VOPP1: variants seen among roughly 807,000 people sequenced by gnomAD.
VOPP1 encodes the protein WW domain binding protein VOPP1.
VOPP1 carries 8 observed loss-of-function variants against 23.5 expected under a neutral mutation model. That is an observed-to-expected ratio of 0.34 (90% CI 0.20 to 0.61). The LOEUF is 0.61. VOPP1 is among the 20% of genes least tolerant of loss of function. The pLI is 0.78. For missense variants in VOPP1, 174 were observed against 238.1 expected (o/e 0.73, Z 1.77); for synonymous variants, 83 against 97.3 (o/e 0.85, Z 0.86).
At chr7:55,541,479 A>G (rs1797130587) in intron 1 of VOPP1, among the ~76,000 whole-genome samples, 1 of 152,218 alleles carries the variant, frequency 6.6e-6, no homozygotes, top group Admixed American at 6.5e-5. Context: ...ATTGGCGAAA[A>G]TGTGGAACAT....
At chr7:55,569,992 C>A (rs1409626984) in intron 1 of VOPP1, among the ~76,000 whole-genome samples, 1 of 152,132 alleles carries the variant, frequency 6.6e-6, no homozygotes, top group African/African-American at 2.4e-5. Context: ...TCAGGCAGAA[C>A]AAAGGAACAA....
intron 1 of VOPP1, among the ~76,000 whole-genome samples, chr7:55,570,478 A>G (rs1366338502): frequency 6.6e-6 from 1 of 152,218 alleles, no homozygotes; most frequent in East Asian, 1.9e-4. Flanking sequence ...ACTCCTATTA[A>G]GAGGATACAT....
intron 1 of VOPP1, among the ~76,000 whole-genome samples, chr7:55,563,831 G>A (rs1798065738): frequency 6.6e-6 from 1 of 152,140 alleles, no homozygotes; most frequent in Non-Finnish European, 1.5e-5. Flanking sequence ...TGCTTAACCT[G>A]TATGTTCCAC....
rs537013906 is a variant in VOPP1, at chr7:55,557,830, T to C, written c.54+14441A>G. 3.9e-5 allele frequency among the ~76,000 whole-genome samples: 6 copies of C among 152,350 alleles called. No individual in the cohort carries two copies. In the East Asian group the frequency reaches 7.7e-4, roughly 20 times the overall value. On this transcript the variant is annotated intron_variant, in intron 1 of 4. Transcript: ENST00000285279. ...AAGGTGGAGCAAATGAGAGGGTGTG[T>C]AGAGCCTCTGAACAACTCAGGCCCG...
At chr7:55,525,788 C>T (rs867031338) in intron 1 of VOPP1, among the ~76,000 whole-genome samples, 1,519 of 46,050 alleles carry the variant, frequency 0.033, 14 homozygotes, top group Admixed American at 0.057. Flanking sequence ...AAAAACCTCT[C>T]TAAAAAAAAA....
intron 4 of VOPP1, among the ~76,000 whole-genome samples, chr7:55,477,964 G>A (rs2129011169): frequency 6.6e-6 from 1 of 152,326 alleles, no homozygotes; most frequent in Non-Finnish European, 1.5e-5. Context: ...CACCCACCCA[G>A]ACAGCTGCTC....
chr7:55,469,226 A>G (rs1791712957), downstream of VOPP1, among the ~76,000 whole-genome samples: 1 of 152,118 alleles, frequency 6.6e-6, no homozygotes, highest in Non-Finnish European at 1.5e-5. Flanking sequence ...TGAAGCATGA[A>G]AACTATTGGG....
chr7:55,443,179 G>A (rs895708969), intron 4 of VOPP1, among the ~76,000 whole-genome samples: 2 of 152,110 alleles, frequency 1.3e-5, no homozygotes, highest in African/African-American at 2.4e-5. Context: ...AATGGACAAA[G>A]ACGGAAAATT....
At chr7:55,482,493 T>G (rs1045295392) in intron 4 of VOPP1, among the ~76,000 whole-genome samples, 6 of 150,064 alleles carry the variant, frequency 4.0e-5, no homozygotes, top group African/African-American at 1.2e-4. Context: ...TTTTTTTTTT[T>G]TTTTTTTTTT....
chr7:55,564,942 G>A (rs530899779), intron 1 of VOPP1, among the ~76,000 whole-genome samples: 54 of 152,182 alleles, frequency 3.5e-4, no homozygotes, highest in African/African-American at 1.2e-3. Context: ...GACTCCTAAC[G>A]ACCACCAGAT....
At chr7:55,542,093 A>G (rs1409038579) in intron 1 of VOPP1, among the ~76,000 whole-genome samples, 1 of 152,276 alleles carries the variant, frequency 6.6e-6, no homozygotes, top group Admixed American at 6.5e-5. Context: ...GTTTAAAAAC[A>G]TAAGACAAAT....
intron 2 of VOPP1, among the ~76,000 whole-genome samples, chr7:55,504,286 A>G (rs893363711): frequency 1.3e-5 from 2 of 152,232 alleles, no homozygotes; most frequent in South Asian, 4.1e-4. Context: ...CCCGCAGCAC[A>G]TACTTGAAGG....
At chr7:55,461,332 T>A (rs544866934) in intron 4 of VOPP1, among the ~76,000 whole-genome samples, 1 of 152,120 alleles carries the variant, frequency 6.6e-6, no homozygotes, top group East Asian at 1.9e-4. Flanking sequence ...AAATCACCAA[T>A]AAAGAACTTA....
At chr7:55,552,596 C>T in intron 1 of VOPP1, 2 of 1,535,776 alleles carry the variant, frequency 1.3e-6, no homozygotes, top group Non-Finnish European at 1.7e-6. Flanking sequence ...TGATTGATGC[C>T]TCAAAAGAAA....
chr7:55,449,228 A>C (rs1273515320), intron 4 of VOPP1, among the ~76,000 whole-genome samples: 2 of 152,166 alleles, frequency 1.3e-5, no homozygotes, highest in Non-Finnish European at 2.9e-5. Context: ...CCCGTGCCTC[A>C]GGCGGTCCCG....
intron 4 of VOPP1, among the ~76,000 whole-genome samples, chr7:55,447,942 T>C (rs1791142855): frequency 6.6e-6 from 1 of 152,188 alleles, no homozygotes; most frequent in East Asian, 1.9e-4. Context: ...TAATTACAAC[T>C]CATTGTAATT....
In VOPP1 at chr7:55,542,867, T is replaced by C. The variant is rs1381742030; in HGVS notation, c.55-21737A>G. The stretch of plus-strand genomic sequence containing the variant: ...CTTATTTCACTTAATGTTCTCCATA[T>C]TGATCCACATTACTGCAACTAGCAG... On this transcript the variant is annotated intron_variant, in intron 1 of 4. Transcript: ENST00000285279. 4.6e-5 allele frequency among the ~76,000 whole-genome samples: 7 copies of C among 152,318 alleles called. No individual in the cohort carries two copies. The East Asian group carries it at 7.7e-4, about 17-fold the overall frequency.
intron 4 of VOPP1, among the ~76,000 whole-genome samples, chr7:55,477,905 C>G (rs1341913831): frequency 6.6e-6 from 1 of 152,108 alleles, no homozygotes; most frequent in African/African-American, 2.4e-5. Context: ...GCTGAGGGAC[C>G]CCGGCCAGGT....
intron 4 of VOPP1, among the ~76,000 whole-genome samples, chr7:55,446,002 T>C (rs2129000487): frequency 6.6e-6 from 1 of 151,180 alleles, no homozygotes; most frequent in Middle Eastern, 3.4e-3. Context: ...TTTTTTTTTT[T>C]TTTTTTTTGA....
Sources: gnomAD v4.1 joint callset for allele counts (sites outside exome capture counted in the v4.1 genomes callset) on GRCh38, gnomAD v4.1.1 for gene constraint, MANE v1.5 for transcripts, NCBI Gene and HGNC (gene_info 2026-07-23, HGNC 2026-07-21) for gene names.